Variants in TRPC6 observed in about 807,000 individuals in gnomAD.
TRPC6 encodes the protein transient receptor potential cation channel subfamily C member 6.
A neutral mutation model predicts 90.7 loss-of-function variants in TRPC6; 55 were observed. That is an observed-to-expected ratio of 0.61 (90% confidence interval 0.49 to 0.76). The LOEUF (loss-of-function observed/expected upper bound fraction) is 0.76. Ranked by LOEUF, TRPC6 falls within the 30% of genes least tolerant of loss-of-function variation. The pLI is 0.00. For missense variants in TRPC6, 989 were observed against 1,122.7 expected, an observed-to-expected ratio of 0.88 and a Z score of 1.70; for synonymous variants, 393 against 393.0, an observed-to-expected ratio of 1.00 and a Z score of 0.00.
At chr11:101,500,263 C>T (rs1244884708) in intron 2 of TRPC6, among the ~76,000 whole-genome samples, 12 of 139,812 alleles carry the variant, frequency 8.6e-5, no homozygotes, top group African/African-American at 2.2e-4. Flanking sequence ...GACTGGAGTG[C>T]GGTGGCGCAA....
intron 3 of TRPC6, among the ~76,000 whole-genome samples, chr11:101,490,107 C>T: frequency 6.6e-6 from 1 of 152,072 alleles, no homozygotes; most frequent in South Asian, 2.1e-4. Context: ...GAGTAAAAGT[C>T]ATGCAAGTAA....
chr11:101,533,081 T>C (rs773940615), intron 1 of TRPC6, among the ~76,000 whole-genome samples: 1 of 152,168 alleles, frequency 6.6e-6, no homozygotes, highest in Non-Finnish European at 1.5e-5. Context: ...ATTGAGAATA[T>C]AGAAAATGAA....
At position 101,453,079 on chromosome 11, in the gene TRPC6, A is replaced by G. The variant is rs1565441167; in HGVS notation, c.2672T>C (p.Ile891Thr). 20 of 1,613,698 alleles carry G rather than the reference A, an allele frequency of 1.2e-5. No individual in the cohort carries two copies. Among genetic ancestry groups the G allele is most frequent in the Non-Finnish European group, 1.4e-5 (16 of 1,179,834 alleles). ...EGELKEIKQD[I>T]SSLRYELLEE... ...AAGGAGTTCATAGCGGAGACTTGAG[A>G]TGTCCTGCTTAATTTCCTTCAGTTC... The change falls in exon 13 of 13, where the codon ATC becomes ACC. Residue 891 changes from isoleucine to threonine, a missense_variant. This residue lies in a region of TRPC6 where 191 missense variants were observed against 196.7 expected (regional missense o/e 0.97). Transcript: ENST00000344327.
At chr11:101,550,947 A>G (rs1861436274) in intron 1 of TRPC6, among the ~76,000 whole-genome samples, 1 of 151,846 alleles carries the variant, frequency 6.6e-6, no homozygotes, top group South Asian at 2.1e-4. Flanking sequence ...AGTAAATTGA[A>G]CCATGTGATT....
chr11:101,491,529 G>A, intron 3 of TRPC6, 27 bp downstream of exon 3: 2 of 1,610,950 alleles, frequency 1.2e-6, no homozygotes, highest in South Asian at 1.1e-5. Context: ...CCAAAATAAT[G>A]TAAACGGGCT....
At chr11:101,465,496 T>C (rs1859121989) in intron 10 of TRPC6, among the ~76,000 whole-genome samples, 1 of 152,094 alleles carries the variant, frequency 6.6e-6, no homozygotes, top group Non-Finnish European at 1.5e-5. Flanking sequence ...CTTTTCATTC[T>C]TTTTTTTCTA....
chr11:101,541,334 A>C (rs1861167333), intron 1 of TRPC6, among the ~76,000 whole-genome samples: 1 of 152,170 alleles, frequency 6.6e-6, no homozygotes, highest in South Asian at 2.1e-4. Flanking sequence ...TGCTTTAAAC[A>C]AATAAATTTC....
At chr11:101,553,696 A>T (rs1463641608) in intron 1 of TRPC6, among the ~76,000 whole-genome samples, 2 of 152,100 alleles carry the variant, frequency 1.3e-5, no homozygotes, top group African/African-American at 2.4e-5. Context: ...ATTCACTAAG[A>T]ATTATAATAT....
At chr11:101,464,721 C>T (rs1859101614) in intron 10 of TRPC6, among the ~76,000 whole-genome samples, 1 of 152,220 alleles carries the variant, frequency 6.6e-6, no homozygotes, top group African/African-American at 2.4e-5. Flanking sequence ...ATACAGCATG[C>T]TGATGGGTCT....
chr11:101,455,109 T>C lies in TRPC6; in HGVS notation c.2485-8A>G. The C allele has an allele frequency of 6.2e-7, 1 of 1,607,192 alleles. No individual in the cohort carries two copies. The highest frequency in any genetic ancestry group is 8.5e-7 in the Non-Finnish European group (1 of 1,174,448). On this transcript the variant is annotated splice_region_variant and splice_polypyrimidine_tract_variant and intron_variant, in intron 10 of 12. Coordinates refer to ENST00000344327, the MANE Select transcript of TRPC6 (RefSeq NM_004621.6). ...TTGTTTATTGTGCCCAACCTGTAAT[T>C]TGAAAAGATTTAGAAATGGATTCCT...
At chr11:101,458,801 G>A (rs996603499) in intron 10 of TRPC6, among the ~76,000 whole-genome samples, 8 of 152,186 alleles carry the variant, frequency 5.3e-5, no homozygotes, top group African/African-American at 1.9e-4. Flanking sequence ...AGATGTGAAG[G>A]CAGTGTTTGT....
intron 1 of TRPC6, among the ~76,000 whole-genome samples, chr11:101,512,175 A>C (rs1860409339): frequency 6.6e-6 from 1 of 152,092 alleles, no homozygotes; most frequent in Non-Finnish European, 1.5e-5. Context: ...AATTAGTTTC[A>C]ATTCTCCTCA....
Position 101,452,509 on chromosome 11 carries a change from G to T in TRPC6, c.*446C>A. 1 of 180,106 alleles carries T rather than the reference G, an allele frequency of 5.6e-6. No individual in the cohort carries two copies. The highest frequency in any genetic ancestry group is 1.2e-5 in the Non-Finnish European group (1 of 84,190). 11.2% of individuals were successfully genotyped at this position (180,106 alleles called of 1,614,324 possible). On this transcript the variant is annotated 3_prime_UTR_variant, in exon 13 of 13. Transcript: ENST00000344327. The stretch of plus-strand genomic sequence containing the variant: ...GATTAAAGCATTCTAAAGGCCCATG[G>T]GCTACTTTTTCCCAAATTTCAGAGC...
intron 1 of TRPC6, among the ~76,000 whole-genome samples, chr11:101,553,904 T>G (rs1488768057): frequency 6.6e-6 from 1 of 151,986 alleles, no homozygotes; most frequent in Admixed American, 6.6e-5. Flanking sequence ...AAGAAAAAAT[T>G]AAGTCCCTGC....
chr11:101,499,671 A>ATATATATACACAATATAAAATGTG (rs1860048024), intron 2 of TRPC6, among the ~76,000 whole-genome samples: 3 of 80,242 alleles, frequency 3.7e-5, no homozygotes, highest in African/African-American at 2.0e-4. Flanking sequence ...TAAAATGTGT[A>ATATATATACACAATATAAAATGTG]TATATATATA....
chr11:101,573,345 A>G (rs575614869), intron 1 of TRPC6, among the ~76,000 whole-genome samples: 1 of 152,310 alleles, frequency 6.6e-6, no homozygotes, highest in Non-Finnish European at 1.5e-5. Context: ...AAATAAACAA[A>G]ACAGTCAAAT....
chr11:101,482,877 G>A, intron 5 of TRPC6, 72 bp downstream of exon 5: 1 of 1,430,008 alleles, frequency 7.0e-7, no homozygotes, highest in South Asian at 1.2e-5. Flanking sequence ...ACTGATGTGT[G>A]AAAGAATCAG....
chr11:101,550,509 T>C (rs1023680369), intron 1 of TRPC6, among the ~76,000 whole-genome samples: 1 of 151,686 alleles, frequency 6.6e-6, no homozygotes, highest in African/African-American at 2.4e-5. Flanking sequence ...CAACTGATAA[T>C]AATAATTTTC....
At chr11:101,495,866 G>A (rs1251440803) in intron 2 of TRPC6, among the ~76,000 whole-genome samples, 1 of 152,122 alleles carries the variant, frequency 6.6e-6, no homozygotes, top group Non-Finnish European at 1.5e-5. Context: ...CATGTGAGGA[G>A]TAAGCATATT....
Sources: gnomAD v4.1 joint callset for allele counts (sites outside exome capture counted in the v4.1 genomes callset) on GRCh38, gnomAD v4.1.1 for gene constraint, gnomAD v4.1.1 regional missense constraint, MANE v1.5 for transcripts, NCBI Gene and HGNC (gene_info 2026-07-23, HGNC 2026-07-21) for gene names.